Variants in NCKAP5 observed in about 807,000 individuals in gnomAD.
The protein encoded by NCKAP5 is NCK associated protein 5.
A neutral mutation model predicts 167.0 loss-of-function variants in NCKAP5; 92 were observed. The observed-to-expected ratio is 0.55, with a 90% CI of 0.47 to 0.66. The LOEUF is 0.66. Ranked by LOEUF, NCKAP5 falls within the 30% of genes least tolerant of loss-of-function variation. NCKAP5 has a pLI of 0.00. For synonymous variants in NCKAP5, 891 were observed against 877.4 expected, an observed-to-expected ratio of 1.02 and a Z score of -0.27; for missense variants, 2,378 against 2,315.0, an observed-to-expected ratio of 1.03 and a Z score of -0.56.
chr2:133,542,271 G>A (rs1686288483), intron 2 of NCKAP5, among the ~76,000 whole-genome samples: 1 of 152,166 alleles, frequency 6.6e-6, no homozygotes, highest in Non-Finnish European at 1.5e-5. Context: ...TACGTACTAA[G>A]TATAATTTAA....
chr2:133,211,524 C>T (rs2150163256), intron 5 of NCKAP5, among the ~76,000 whole-genome samples: 1 of 152,258 alleles, frequency 6.6e-6, no homozygotes, highest in East Asian at 1.9e-4. Flanking sequence ...ATGGTGAGCT[C>T]CTATAACTAC....
chr2:133,025,672 C>T lies in NCKAP5; in HGVS notation c.342-31433G>A, dbSNP rs543342733. ...CAAGAGGAGTGAATTCAGAACTTTC[C>T]AAATAACTATAGCCTGGGATTAGTG... On this transcript the variant is annotated intron_variant, in intron 6 of 19. Coordinates refer to ENST00000409261, the MANE Select transcript of NCKAP5 (RefSeq NM_207363.3). 2.0e-5 allele frequency among the ~76,000 whole-genome samples: 3 copies of T among 152,198 alleles called. No individual in the cohort carries two copies. The South Asian group carries it at 6.2e-4, about 32-fold the overall frequency.
At chr2:132,920,773 A>ATGTATGTATGTGTGTG (rs1175958033) in intron 8 of NCKAP5, among the ~76,000 whole-genome samples, 2 of 3,830 alleles carry the variant, frequency 5.2e-4, no homozygotes, top group African/African-American at 9.3e-4. Context: ...ATATGTATGT[A>ATGTATGTATGTGTGTG]TATATATATA....
intron 5 of NCKAP5, among the ~76,000 whole-genome samples, chr2:133,209,927 G>A (rs2086130672): frequency 6.6e-6 from 1 of 151,998 alleles, no homozygotes; most frequent in Non-Finnish European, 1.5e-5. Flanking sequence ...CAGCACTTTG[G>A]GAGGTCAAGG....
At chr2:133,032,246 T>A (rs548228315) in intron 6 of NCKAP5, among the ~76,000 whole-genome samples, 1 of 152,166 alleles carries the variant, frequency 6.6e-6, no homozygotes, top group African/African-American at 2.4e-5. Flanking sequence ...CCCTGAAGGG[T>A]AAGTCCCAGG....
At chr2:132,867,740 T>C (rs961724662) in intron 10 of NCKAP5, among the ~76,000 whole-genome samples, 1 of 152,192 alleles carries the variant, frequency 6.6e-6, no homozygotes, top group African/African-American at 2.4e-5. Flanking sequence ...CCAAGGACTT[T>C]ATGGAGCAAA....
chr2:132,969,106 C>T (rs374126668), intron 7 of NCKAP5, among the ~76,000 whole-genome samples: 10 of 152,080 alleles, frequency 6.6e-5, no homozygotes, highest in South Asian at 2.1e-4. Context: ...GGTGCAATCT[C>T]GGCTCACTGC....
chr2:132,732,968 C>T (rs899659045), intron 16 of NCKAP5, among the ~76,000 whole-genome samples: 1 of 152,208 alleles, frequency 6.6e-6, no homozygotes, highest in African/African-American at 2.4e-5. Flanking sequence ...TCACTTTATT[C>T]AATGACAAAA....
chr2:133,471,401 C>A (rs1010128333), intron 3 of NCKAP5, among the ~76,000 whole-genome samples: 1 of 152,070 alleles, frequency 6.6e-6, no homozygotes, highest in Admixed American at 6.5e-5. Context: ...GATCTGGAGC[C>A]CATCCTAGGA....
the NCKAP5 span, among the ~76,000 whole-genome samples, chr2:133,587,037 C>G: frequency 6.6e-6 from 1 of 152,120 alleles, no homozygotes; most frequent in Non-Finnish European, 1.5e-5. Context: ...CAGAGAAAGT[C>G]GAGGTAAAGG....
chr2:133,646,289 T>C, the NCKAP5 span, among the ~76,000 whole-genome samples: 1 of 152,006 alleles, frequency 6.6e-6, no homozygotes, highest in Non-Finnish European at 1.5e-5. Context: ...AATAAACCCA[T>C]GATAAGATCA....
Position 133,546,189 on chromosome 2 carries a change from G to A in NCKAP5, c.-62+12861C>T, listed in dbSNP as rs138996314. Among the ~76,000 whole-genome samples the A allele has an allele frequency of 1.2e-4, 18 of 151,902 alleles. No homozygotes were observed. The East Asian group carries it at 2.1e-3, about 18-fold the overall frequency. Reference sequence around the variant, plus strand: ...CTGAGCTCAGATCTTCAGATACAGTGAAGTACATCCAAGAGGAAGCCAAAG... The same window carrying A: ...CTGAGCTCAGATCTTCAGATACAGTAAAGTACATCCAAGAGGAAGCCAAAG... On this transcript the variant is annotated intron_variant, in intron 2 of 19. Transcript: ENST00000409261.
rs200411805 is a variant in NCKAP5 at position 133,071,466 on chromosome 2, C to CA, written c.341+58511dup. Among the ~76,000 whole-genome samples, 1,134 of 151,600 alleles carry CA rather than the reference C, an allele frequency of 7.5e-3. 13 individuals carry two copies. The highest frequency in any genetic ancestry group is 0.025 in the African/African-American group (1,026 of 41,400). ...TCTCAAAAAACAAAAAACAAACAAA[C>CA]AAAAAAAAATCACAGTGGCCCTAAC... On this transcript the variant is annotated intron_variant, in intron 6 of 19. Coordinates refer to ENST00000409261, the MANE Select transcript of NCKAP5 (RefSeq NM_207363.3).
intron 12 of NCKAP5, among the ~76,000 whole-genome samples, chr2:132,795,797 C>T (rs567219149): frequency 8.0e-6 from 1 of 124,678 alleles, no homozygotes; most frequent in Non-Finnish European, 1.6e-5. Context: ...CCAGCCAGGG[C>T]AACAGGATGA....
At chr2:132,953,972 T>C (rs1322709638) in intron 8 of NCKAP5, among the ~76,000 whole-genome samples, 1 of 152,082 alleles carries the variant, frequency 6.6e-6, no homozygotes, top group South Asian at 2.1e-4. Context: ...TGCCATCACA[T>C]AGAAAAGGCC....
chr2:133,127,949 T>G (rs1164534785), intron 6 of NCKAP5, among the ~76,000 whole-genome samples: 1 of 152,050 alleles, frequency 6.6e-6, no homozygotes, highest in African/African-American at 2.4e-5. Flanking sequence ...ACTTGAGGAG[T>G]TGAACTGGTG....
chr2:133,549,993 C>T (rs1343730224), intron 2 of NCKAP5, among the ~76,000 whole-genome samples: 2 of 151,080 alleles, frequency 1.3e-5, no homozygotes, highest in Non-Finnish European at 3.0e-5. Context: ...ACTAGAAAAT[C>T]TAGAAGAAAT....
rs150008960 is a variant in NCKAP5, at chr2:133,530,615, C to A, written c.-61-13028G>T. ...ATTCCTCCCTTCCTATGATGCCCAACTCTCTTTTGAAATGTGTCTTTTATG... is the reference window on the plus strand; with the variant it reads ...ATTCCTCCCTTCCTATGATGCCCAAATCTCTTTTGAAATGTGTCTTTTATG... On this transcript the variant is annotated intron_variant, in intron 2 of 19. Coordinates refer to ENST00000409261, the MANE Select transcript of NCKAP5 (RefSeq NM_207363.3). 1.1e-4 allele frequency among the ~76,000 whole-genome samples: 17 copies of A among 152,302 alleles called. No individual in the cohort carries two copies. The East Asian group carries it at 3.3e-3, about 29-fold the overall frequency.
chr2:133,262,880 C>T (rs537684601), intron 4 of NCKAP5, among the ~76,000 whole-genome samples: 3 of 152,120 alleles, frequency 2.0e-5, no homozygotes, highest in Non-Finnish European at 4.4e-5. Context: ...ATAATAGGGC[C>T]GCTGATTAGG....
Sources: allele counts gnomAD v4.1 joint callset (sites outside exome capture counted in the v4.1 genomes callset), GRCh38; gene constraint gnomAD v4.1.1; transcripts MANE v1.5; gene names NCBI Gene and HGNC (gene_info 2026-07-23, HGNC 2026-07-21).